The following AGBL4 variants were observed in gnomAD, a reference collection of about 807,000 sequenced individuals.
AGBL4 encodes the protein cytosolic carboxypeptidase 6.
A neutral mutation model predicts 66.4 loss-of-function variants in AGBL4; 58 were observed. The ratio of observed to expected loss-of-function variants is 0.87; its 90% CI spans 0.71 to 1.09. AGBL4 has a LOEUF of 1.09. Ranked by LOEUF, AGBL4 falls within the 50% of genes least tolerant of loss-of-function variation. AGBL4 has a pLI of 0.00. For synonymous variants in AGBL4, 234 were observed against 222.9 expected, an observed-to-expected ratio of 1.05 and a Z score of -0.44; for missense variants, 579 against 631.0, an observed-to-expected ratio of 0.92 and a Z score of 0.88.
At chr1:48,874,608 C>A (rs534266284) in intron 5 of AGBL4, among the ~76,000 whole-genome samples, 17 of 152,150 alleles carry the variant, frequency 1.1e-4, no homozygotes, top group Non-Finnish European at 2.4e-4. Context: ...TATTTACATC[C>A]AAATATTACA....
chr1:49,601,851 A>C (rs1644965552), intron 3 of AGBL4, among the ~76,000 whole-genome samples: 1 of 152,202 alleles, frequency 6.6e-6, no homozygotes, highest in Non-Finnish European at 1.5e-5. Context: ...AAATTGACAA[A>C]TGGGATCAAT....
At chr1:49,729,041 A>G (rs1441137788) in intron 2 of AGBL4, among the ~76,000 whole-genome samples, 2 of 152,198 alleles carry the variant, frequency 1.3e-5, no homozygotes, top group African/African-American at 2.4e-5. Flanking sequence ...GCACACAATC[A>G]TGAACCGGGG....
intron 6 of AGBL4, among the ~76,000 whole-genome samples, chr1:48,812,946 A>T (rs946979040): frequency 6.8e-6 from 1 of 147,406 alleles, no homozygotes; most frequent in African/African-American, 2.5e-5. Context: ...AACATCACAC[A>T]CTGGGGACTG....
At position 49,758,712 on chromosome 1, in the gene AGBL4, CTTTT is replaced by C. The variant is rs34268542; in HGVS notation, c.158-61279_158-61276del. Among the ~76,000 whole-genome samples, 271 of 147,502 alleles carry C rather than the reference CTTTT, an allele frequency of 1.8e-3. 1 individual carries two copies. The highest frequency in any genetic ancestry group is 6.4e-3 in the African/African-American group (256 of 40,068). ...CCAATCATATCTTAGCTGTAACTAG[CTTTT>C]TTTTTTTTTAACAGGCTCATAGATG... On this transcript the variant is annotated intron_variant, in intron 2 of 13. Transcript: ENST00000371839.
At chr1:49,613,217 T>G (rs1645185743) in intron 3 of AGBL4, among the ~76,000 whole-genome samples, 1 of 151,828 alleles carries the variant, frequency 6.6e-6, no homozygotes, top group South Asian at 2.1e-4. Flanking sequence ...CAACAGACAC[T>G]GGAGACTACT....
intron 3 of AGBL4, among the ~76,000 whole-genome samples, chr1:49,250,040 G>C (rs1174920321): frequency 6.6e-6 from 1 of 152,202 alleles, no homozygotes; most frequent in East Asian, 1.9e-4. Context: ...CATAGAGGTA[G>C]AGAATAGAAT....
At chr1:48,835,478 G>C (rs966724178) in intron 6 of AGBL4, among the ~76,000 whole-genome samples, 2 of 152,096 alleles carry the variant, frequency 1.3e-5, no homozygotes, top group African/African-American at 2.4e-5. Flanking sequence ...AGTGTTCTAT[G>C]AGTGCATATA....
chr1:49,309,635 T>C (rs1396483015), intron 3 of AGBL4, among the ~76,000 whole-genome samples: 1 of 151,980 alleles, frequency 6.6e-6, no homozygotes, highest in Non-Finnish European at 1.5e-5. Context: ...TGTGTGCATG[T>C]GTATGTACTG....
chr1:48,629,883 G>C (rs1199007072), intron 9 of AGBL4, among the ~76,000 whole-genome samples: 1 of 152,098 alleles, frequency 6.6e-6, no homozygotes. Flanking sequence ...ATTGGGGAGG[G>C]GTTTGTGGTT....
At chr1:49,559,010 A>G (rs1488055984) in intron 3 of AGBL4, among the ~76,000 whole-genome samples, 9 of 152,046 alleles carry the variant, frequency 5.9e-5, no homozygotes, top group Admixed American at 2.0e-4. Flanking sequence ...GCCTGGGGGA[A>G]CTCGCCATCC....
chr1:50,004,395 G>C (rs1449423314), intron 1 of AGBL4, among the ~76,000 whole-genome samples: 2 of 152,158 alleles, frequency 1.3e-5, no homozygotes, highest in African/African-American at 4.8e-5. Context: ...GCAAGTCCTG[G>C]TGCTATGTTG....
intron 3 of AGBL4, among the ~76,000 whole-genome samples, chr1:49,598,442 C>T (rs1400168641): frequency 1.3e-5 from 2 of 152,138 alleles, no homozygotes; most frequent in Admixed American, 1.3e-4. Context: ...CAGACAGGAC[C>T]TTCAGCTGCA....
At chr1:49,910,776 G>A (rs1650741078) in intron 1 of AGBL4, among the ~76,000 whole-genome samples, 1 of 152,166 alleles carries the variant, frequency 6.6e-6, no homozygotes, top group Non-Finnish European at 1.5e-5. Flanking sequence ...AGGGGTTTGA[G>A]ACCAGCCTAG....
At chr1:48,711,968 C>T (rs975146928) in intron 6 of AGBL4, among the ~76,000 whole-genome samples, 1 of 152,164 alleles carries the variant, frequency 6.6e-6, no homozygotes, top group Non-Finnish European at 1.5e-5. Flanking sequence ...GAGGATGTGG[C>T]TCCCATTTTG....
chr1:48,702,287 T>C (rs1256075449), intron 6 of AGBL4, among the ~76,000 whole-genome samples: 1 of 151,896 alleles, frequency 6.6e-6, no homozygotes, highest in Non-Finnish European at 1.5e-5. Context: ...TGTTTTTTTT[T>C]GTTTTGTTTT....
chr1:49,119,860 C>G (rs780750695), intron 4 of AGBL4, among the ~76,000 whole-genome samples: 1 of 152,156 alleles, frequency 6.6e-6, no homozygotes, highest in African/African-American at 2.4e-5. Flanking sequence ...AATCTGGGTG[C>G]TCCTGTATTG....
At chr1:49,536,077 T>C (rs1651559228) in intron 3 of AGBL4, among the ~76,000 whole-genome samples, 1 of 152,256 alleles carries the variant, frequency 6.6e-6, no homozygotes, top group Non-Finnish European at 1.5e-5. Context: ...TAATTACAAG[T>C]CATAAAATAT....
chr1:48,575,899 C>T (rs1397363309), intron 11 of AGBL4, among the ~76,000 whole-genome samples: 3 of 152,202 alleles, frequency 2.0e-5, no homozygotes, highest in Non-Finnish European at 2.9e-5. Context: ...AGCATAGGGC[C>T]TGGTACAGCA....
At chr1:49,185,604 G>C (rs1289404070) in intron 4 of AGBL4, among the ~76,000 whole-genome samples, 1 of 152,132 alleles carries the variant, frequency 6.6e-6, no homozygotes, top group African/African-American at 2.4e-5. Flanking sequence ...TTGGACATAT[G>C]TTCTTCCTGA....
Sources: allele counts gnomAD v4.1 joint callset (sites outside exome capture counted in the v4.1 genomes callset), GRCh38; gene constraint gnomAD v4.1.1; transcripts MANE v1.5; gene names NCBI Gene and HGNC (gene_info 2026-07-23, HGNC 2026-07-21).